The following TECPR1 variants were observed in gnomAD, a reference collection of about 807,000 sequenced individuals.
TECPR1 encodes tectonin beta-propeller repeat containing 1, also known as tectonin beta-propeller repeat-containing protein 1.
In TECPR1, 122 loss-of-function variants were observed where a neutral mutation model predicts 162.4. The ratio of observed to expected loss-of-function variants is 0.75; its 90% CI spans 0.65 to 0.87. The LOEUF (loss-of-function observed/expected upper bound fraction) is 0.87, where lower values mean the gene tolerates loss of function less well. Ranked by LOEUF, TECPR1 falls within the 40% of genes least tolerant of loss-of-function variation. The pLI, the probability that TECPR1 is intolerant of heterozygous loss-of-function variation, is 0.00. For synonymous variants in TECPR1, 642 were observed against 670.6 expected (o/e 0.96, Z 0.66); for missense variants, 1,432 against 1,618.2 (o/e 0.88, Z 1.97).
chr7:98,238,770 TC>T (rs930360042), intron 8 of TECPR1, among the ~76,000 whole-genome samples, 160 bp from the exon 9 acceptor site: 10 of 152,200 alleles, frequency 6.6e-5, no homozygotes, highest in African/African-American at 2.4e-4. Context: ...TTATCCGTGA[TC>T]CACGCCGCTC....
At chr7:98,235,849 A>AAAAAAAAAAAAAAAAAAAAAAC in intron 10 of TECPR1, among the ~76,000 whole-genome samples, 1 of 110,344 alleles carries the variant, frequency 9.1e-6, no homozygotes, top group African/African-American at 3.1e-5. Context: ...AAAAAAAAAA[A>AAAAAAAAAAAAAAAAAAAAAAC]AACACCATCT....
chr7:98,231,693 AC>A (rs1798445216), intron 13 of TECPR1, 110 bp downstream of exon 13: 6 of 990,476 alleles, frequency 6.1e-6, no homozygotes, highest in Admixed American at 6.3e-5. Flanking sequence ...CTCCCTGGGC[AC>A]CCTCATTTCT....
chr7:98,221,804 G>T, intron 22 of TECPR1, 51 bp from the exon 23 acceptor site: 1 of 1,472,800 alleles, frequency 6.8e-7, no homozygotes, highest in Non-Finnish European at 9.4e-7. Flanking sequence ...CCTTGCATGG[G>T]CCAGGTGGGG....
At chr7:98,230,355 G>A (rs899490523) in intron 15 of TECPR1, among the ~76,000 whole-genome samples, 2 of 151,920 alleles carry the variant, frequency 1.3e-5, no homozygotes, top group African/African-American at 4.8e-5. Context: ...TCCTAGGCTT[G>A]TGCGCCCAGC....
intron 23 of TECPR1, among the ~76,000 whole-genome samples, chr7:98,219,216 C>T (rs1375025117): frequency 6.6e-6 from 1 of 152,090 alleles, no homozygotes; most frequent in Non-Finnish European, 1.5e-5. Flanking sequence ...ATCCGTATCT[C>T]TCACCATATT....
chr7:98,228,085 C>A lies in TECPR1; in HGVS notation c.2442G>T (p.Thr814=). ...GLASSTSNIY[T]QSDVKCVHIY... ...TGTGAACACACTTCACGTCTGACTG[C>A]GTGTAGATGTTACTGGTGCTGCTGG... Residue 814 remains threonine (T), a synonymous_variant, in exon 17 of 26, where the codon ACG becomes ACT. Coordinates refer to ENST00000447648, the MANE Select transcript of TECPR1 (RefSeq NM_015395.3). The A allele has an allele frequency of 6.2e-7, 1 of 1,612,574 alleles. No homozygotes were observed. Among genetic ancestry groups the A allele is most frequent in the Non-Finnish European group, 8.5e-7 (1 of 1,179,488 alleles).
rs1237684539 is a variant in TECPR1 at position 98,222,500 on chromosome 7, C to T, written c.2950G>A (p.Gly984Ser). Residue 984 changes from glycine to serine, a missense_variant, in exon 22 of 26, where the codon GGC (glycine) becomes AGC (serine). Physicochemically the swap from Gly to Ser is moderately conservative, Grantham distance 56. Transcript: ENST00000447648. ...NPAGSSWLHV[G>S]TDQPFASISI... ...ATGGAGGCGAAGGGCTGGTCGGTGC[C>T]AACGTGCAGCCAGGAGGAGCCCTGG... The T allele has an allele frequency of 3.1e-6, 5 of 1,587,696 alleles. No individual in the cohort carries two copies. Among genetic ancestry groups the T allele is most frequent in the Non-Finnish European group, 4.3e-6 (5 of 1,168,538 alleles).
intron 2 of TECPR1, among the ~76,000 whole-genome samples, chr7:98,247,198 A>G (rs1798933485): frequency 6.6e-6 from 1 of 152,072 alleles, no homozygotes; most frequent in South Asian, 2.1e-4. Context: ...GCTGGAGTGC[A>G]GTGGTTTGAT....
At chr7:98,223,251 G>A (rs1798187731) in intron 20 of TECPR1, 81 bp from the exon 21 acceptor site, 1 of 1,418,304 alleles carries the variant, frequency 7.1e-7, no homozygotes, top group Non-Finnish European at 9.5e-7. Context: ...GGAGCCAGGA[G>A]GAGGAAAGCA....
intron 10 of TECPR1, among the ~76,000 whole-genome samples, chr7:98,234,895 G>A (rs1339537052): frequency 2.0e-5 from 3 of 151,912 alleles, no homozygotes; most frequent in Admixed American, 2.0e-4. Flanking sequence ...AAAAATTCTT[G>A]TAGAGATGGG....
chr7:98,235,102 G>A (rs916361842), intron 10 of TECPR1, among the ~76,000 whole-genome samples: 12 of 152,166 alleles, frequency 7.9e-5, no homozygotes, highest in African/African-American at 1.4e-4. Context: ...CAATTTATCT[G>A]TATTTCCTCA....
At position 98,216,036 on chromosome 7, in the gene TECPR1, C is replaced by G. The variant is rs1160243294; in HGVS notation, c.*1354G>C. 1 of 152,304 alleles carries G rather than the reference C, an allele frequency of 6.6e-6. No individual in the cohort carries two copies. Among genetic ancestry groups the G allele is most frequent in the Admixed American group, 6.5e-5 (1 of 15,290 alleles). 9.4% of individuals were successfully genotyped at this position (152,304 alleles called of 1,614,324 possible). ...GGTGGTGAAGTCATCCCCTCTCCAACCGAGCAGAGCCTGGGGTTGGGCTCT... is the reference window on the plus strand; with the variant it reads ...GGTGGTGAAGTCATCCCCTCTCCAAGCGAGCAGAGCCTGGGGTTGGGCTCT... On this transcript the variant is annotated 3_prime_UTR_variant, in exon 26 of 26. Transcript: ENST00000447648.
chr7:98,235,305 C>T (rs1319286315), intron 10 of TECPR1, among the ~76,000 whole-genome samples: 1 of 152,092 alleles, frequency 6.6e-6, no homozygotes, highest in African/African-American at 2.4e-5. Flanking sequence ...GCGGGAGGAT[C>T]ACAAGGTCAG....
At chr7:98,245,832 G>T in intron 3 of TECPR1, 90 bp downstream of exon 3, 1 of 1,187,490 alleles carries the variant, frequency 8.4e-7, no homozygotes, top group Non-Finnish European at 1.2e-6. Flanking sequence ...GGGGAATCTG[G>T]GGCCTCTATT....
chr7:98,226,295 C>A (rs1798278132), intron 17 of TECPR1, among the ~76,000 whole-genome samples: 1 of 152,222 alleles, frequency 6.6e-6, no homozygotes, highest in African/African-American at 2.4e-5. Context: ...AATCTCAAAT[C>A]CCCTGATTTA....
intron 23 of TECPR1, among the ~76,000 whole-genome samples, chr7:98,218,957 C>T (rs1798081932): frequency 2.6e-5 from 4 of 152,136 alleles, no homozygotes; most frequent in Non-Finnish European, 4.4e-5. Context: ...AAGAACAAAT[C>T]TGGAGGCATC....
At chr7:98,249,467 C>T (rs1279007657) in intron 2 of TECPR1, among the ~76,000 whole-genome samples, 3 of 152,176 alleles carry the variant, frequency 2.0e-5, no homozygotes, top group African/African-American at 7.2e-5. Context: ...CCATCTGAAA[C>T]TGAGCTGGGA....
At position 98,217,138 on chromosome 7, in the gene TECPR1, G is replaced by A; in HGVS notation, c.*252C>T. On this transcript the variant is annotated 3_prime_UTR_variant, in exon 26 of 26. Transcript: ENST00000447648. ...AGGGTGGGAGGGGCCTCTGGGAGGT[G>A]CAGCCCCACCCCATGCCCCACACCC... The A allele has an allele frequency of 2.3e-6, 1 of 443,932 alleles. No homozygotes were observed. The highest frequency in any genetic ancestry group is 4.1e-5 in the South Asian group (1 of 24,110). The allele number at this position is 443,932 out of a possible 1,614,324, so 27.5% of individuals were successfully genotyped here.
At chr7:98,235,371 A>G (rs2116589334) in intron 10 of TECPR1, among the ~76,000 whole-genome samples, 1 of 152,130 alleles carries the variant, frequency 6.6e-6, no homozygotes, top group African/African-American at 2.4e-5. Flanking sequence ...TAAAAATACA[A>G]AAAATTAGCC....
Sources: gnomAD v4.1 joint callset for allele counts (sites outside exome capture counted in the v4.1 genomes callset) on GRCh38, gnomAD v4.1.1 for gene constraint, MANE v1.5 for transcripts, NCBI Gene and HGNC (gene_info 2026-07-23, HGNC 2026-07-21) for gene names.